ANKS1B: variants seen among roughly 807,000 people sequenced by gnomAD.
The protein encoded by ANKS1B is ankyrin repeat and sterile alpha motif domain containing 1B, also known as ankyrin repeat and sterile alpha motif domain-containing protein 1B.
A neutral mutation model predicts 148.3 loss-of-function variants in ANKS1B; 36 were observed. The ratio of observed to expected loss-of-function variants is 0.24; its 90% CI spans 0.19 to 0.32. The LOEUF is 0.32. Ranked by LOEUF, ANKS1B falls within the 10% of genes least tolerant of loss-of-function variation. The pLI, the probability that ANKS1B is intolerant of heterozygous loss-of-function variation, is 1.00. For synonymous variants in ANKS1B, 542 were observed against 560.8 expected (o/e 0.97, Z 0.47); for missense variants, 1,157 against 1,542.6 (o/e 0.75, Z 4.19).
At chr12:99,629,394 A>G (rs1420018124) in intron 9 of ANKS1B, among the ~76,000 whole-genome samples, 1 of 152,202 alleles carries the variant, frequency 6.6e-6, no homozygotes, top group Non-Finnish European at 1.5e-5. Context: ...CCTGTGGAAA[A>G]AAATGTACTA....
intron 16 of ANKS1B, among the ~76,000 whole-genome samples, chr12:99,059,806 T>TATA (rs10526013): frequency 1.4e-5 from 2 of 144,702 alleles, no homozygotes; most frequent in South Asian, 2.2e-4. Flanking sequence ...TATATATATA[T>TATA]GATAGGACGT....
rs537099519 is a variant in ANKS1B at position 99,137,138 on chromosome 12, C to G, written c.2526+17151G>C. Among the ~76,000 whole-genome samples, 12 of 152,324 alleles carry G rather than the reference C, an allele frequency of 7.9e-5. No homozygotes were observed. The South Asian group carries it at 2.5e-3, about 32-fold the overall frequency. On this transcript the variant is annotated intron_variant, in intron 15 of 26. Transcript: ENST00000683438. ...TTAATTTTTAGCATCTAGACTTCAG[C>G]TCCAAATACTGCCATTGAAATGGGA...
At chr12:99,509,378 A>G (rs562946394) in intron 9 of ANKS1B, among the ~76,000 whole-genome samples, 2 of 152,094 alleles carry the variant, frequency 1.3e-5, no homozygotes, top group South Asian at 4.1e-4. Context: ...TGTGAATGCA[A>G]AGGAAAAGTT....
intron 17 of ANKS1B, among the ~76,000 whole-genome samples, chr12:98,948,775 CCA>C (rs1555530359): frequency 8.1e-5 from 12 of 147,508 alleles, no homozygotes; most frequent in African/African-American, 2.6e-4. Flanking sequence ...ACACCCCCCC[CCA>C]CACACACACA....
At chr12:99,318,432 G>T (rs1335259529) in intron 12 of ANKS1B, among the ~76,000 whole-genome samples, 1 of 152,152 alleles carries the variant, frequency 6.6e-6, no homozygotes, top group African/African-American at 2.4e-5. Context: ...ATTTCTTCTA[G>T]ATTTTCTAGT....
At chr12:99,213,117 G>T (rs2083584631) in intron 14 of ANKS1B, among the ~76,000 whole-genome samples, 2 of 152,064 alleles carry the variant, frequency 1.3e-5, no homozygotes, top group Non-Finnish European at 2.9e-5. Context: ...TGTCTCTGAG[G>T]TTCATTTCCA....
At chr12:99,526,742 G>A (rs1216500811) in intron 9 of ANKS1B, among the ~76,000 whole-genome samples, 1 of 152,106 alleles carries the variant, frequency 6.6e-6, no homozygotes, top group Non-Finnish European at 1.5e-5. Flanking sequence ...ACCAGTGTGG[G>A]TACTACCTAA....
intron 3 of ANKS1B, among the ~76,000 whole-genome samples, chr12:99,808,060 A>G (rs1422086842): frequency 6.6e-6 from 1 of 152,146 alleles, no homozygotes; most frequent in African/African-American, 2.4e-5. Flanking sequence ...TGCTCTTTCC[A>G]CTATACCATG....
intron 1 of ANKS1B, among the ~76,000 whole-genome samples, chr12:99,944,115 C>G (rs1351655388): frequency 6.6e-6 from 1 of 152,214 alleles, no homozygotes; most frequent in South Asian, 2.1e-4. Flanking sequence ...GAGATCTTAG[C>G]AGCCTGGGAG....
chr12:99,193,608 G>T (rs956828975), intron 14 of ANKS1B, among the ~76,000 whole-genome samples: 1 of 151,902 alleles, frequency 6.6e-6, no homozygotes, highest in Non-Finnish European at 1.5e-5. Context: ...GTCTTATGTT[G>T]TAGGAGTGTC....
intron 17 of ANKS1B, among the ~76,000 whole-genome samples, chr12:99,006,733 C>T (rs146416635): frequency 6.8e-4 from 103 of 152,230 alleles, no homozygotes; most frequent in Non-Finnish European, 1.2e-3. Flanking sequence ...GTGATGATGA[C>T]GATGATATTA....
Position 99,429,142 on chromosome 12 carries a change from G to GAAAC in ANKS1B, c.1575+14527_1575+14530dup, listed in dbSNP as rs373490843. ...ACAAATGTATACACATTTCAGAAGA[G>GAAAC]AAACAAACAAACAAACAAACAAACA... On this transcript the variant is annotated intron_variant, in intron 11 of 26. Coordinates refer to ENST00000683438, the MANE Select transcript of ANKS1B (RefSeq NM_001352186.2). 5.9e-3 allele frequency among the ~76,000 whole-genome samples: 892 copies of GAAAC among 151,996 alleles called. 5 individuals are homozygous for GAAAC. Among genetic ancestry groups the GAAAC allele is most frequent in the African/African-American group, 0.014 (589 of 41,446 alleles).
intron 9 of ANKS1B, among the ~76,000 whole-genome samples, chr12:99,635,089 C>T (rs1598516021): frequency 6.6e-6 from 1 of 152,036 alleles, no homozygotes; most frequent in Non-Finnish European, 1.5e-5. Context: ...AGGATGGCTA[C>T]TATCAAAAAA....
At chr12:99,272,212 A>C (rs997047992) in intron 12 of ANKS1B, among the ~76,000 whole-genome samples, 1 of 152,182 alleles carries the variant, frequency 6.6e-6, no homozygotes, top group Non-Finnish European at 1.5e-5. Flanking sequence ...ACCATAAGTG[A>C]TTGCTATAAA....
chr12:99,141,226 A>G (rs1236774891), intron 15 of ANKS1B, among the ~76,000 whole-genome samples: 1 of 152,010 alleles, frequency 6.6e-6, no homozygotes, highest in Non-Finnish European at 1.5e-5. Flanking sequence ...CCCTTTAGCT[A>G]TTAGTGTATT....
chr12:99,067,525 C>T (rs557126738), intron 16 of ANKS1B, among the ~76,000 whole-genome samples: 1 of 152,242 alleles, frequency 6.6e-6, no homozygotes, highest in East Asian at 1.9e-4. Flanking sequence ...TGACAGAAGA[C>T]ATCACCACAA....
rs191173579 is a variant in ANKS1B at position 99,141,577 on chromosome 12, C to A, written c.2526+12712G>T. Among the ~76,000 whole-genome samples, 8 of 151,942 alleles carry A rather than the reference C, an allele frequency of 5.3e-5. No individual in the cohort carries two copies. In the East Asian group the frequency reaches 1.6e-3, roughly 29 times the overall value. The stretch of plus-strand genomic sequence containing the variant: ...ACTATTCTTCCTGATGCTCTCCCTC[C>A]CCCAACCCCCACCCCTGATAGGCCC... On this transcript the variant is annotated intron_variant, in intron 15 of 26. Coordinates refer to ENST00000683438, the MANE Select transcript of ANKS1B (RefSeq NM_001352186.2).
At chr12:99,105,500 G>C (rs1367847109) in intron 15 of ANKS1B, among the ~76,000 whole-genome samples, 1 of 152,020 alleles carries the variant, frequency 6.6e-6, no homozygotes, top group Non-Finnish European at 1.5e-5. Flanking sequence ...CCTTGCTCTG[G>C]GGCATTTATT....
rs558432378 is a variant in ANKS1B at position 99,520,241 on chromosome 12, T to C, written c.1273-15600A>G. ...CAGATTTAAGAACTCCCTTTAACATTTCTTGTAGGACAGGTCTGTTGTTGA... is the reference window on the plus strand; with the variant it reads ...CAGATTTAAGAACTCCCTTTAACATCTCTTGTAGGACAGGTCTGTTGTTGA... On this transcript the variant is annotated intron_variant, in intron 9 of 26. Coordinates refer to ENST00000683438, the MANE Select transcript of ANKS1B (RefSeq NM_001352186.2). Among the ~76,000 whole-genome samples, 201 of 152,334 alleles carry C rather than the reference T, an allele frequency of 1.3e-3. 4 individuals carry two copies. Among genetic ancestry groups the C allele is most frequent in the Admixed American group, 1.3e-3 (20 of 15,294 alleles).
Sources: gnomAD v4.1 joint callset for allele counts (sites outside exome capture counted in the v4.1 genomes callset) on GRCh38, gnomAD v4.1.1 for gene constraint, MANE v1.5 for transcripts, NCBI Gene and HGNC (gene_info 2026-07-23, HGNC 2026-07-21) for gene names.